The following OXR1 variants were observed in gnomAD, a reference collection of about 807,000 sequenced individuals.
OXR1 encodes oxidation resistance 1, also known as oxidation resistance protein 1.
A neutral mutation model predicts 104.6 loss-of-function variants in OXR1; 41 were observed. The ratio of observed to expected loss-of-function variants is 0.39; its 90% CI spans 0.31 to 0.51. The LOEUF (loss-of-function observed/expected upper bound fraction) is 0.51, where lower values mean the gene tolerates loss of function less well. OXR1 is among the 20% of genes least tolerant of loss of function. OXR1 has a pLI of 0.77. For synonymous variants in OXR1, 348 were observed against 348.4 expected, an observed-to-expected ratio of 1.00 and a Z score of 0.01; for missense variants, 955 against 1,031.9, an observed-to-expected ratio of 0.93 and a Z score of 1.02.
intron 3 of OXR1, among the ~76,000 whole-genome samples, chr8:106,576,496 A>G (rs1817851143): frequency 6.6e-6 from 1 of 150,934 alleles, no homozygotes; most frequent in Non-Finnish European, 1.5e-5. Flanking sequence ...GAAAACATCA[A>G]ATAGAGCCAC....
intron 2 of OXR1, among the ~76,000 whole-genome samples, chr8:106,403,021 C>T (rs914659067): frequency 6.6e-6 from 1 of 152,070 alleles, no homozygotes; most frequent in Non-Finnish European, 1.5e-5. Flanking sequence ...GGGGTTTCAC[C>T]GTGTTAGCCA....
At chr8:106,687,961 T>C (rs1022629840) in intron 6 of OXR1, among the ~76,000 whole-genome samples, 3 of 152,116 alleles carry the variant, frequency 2.0e-5, no homozygotes, top group Admixed American at 6.6e-5. Context: ...GCCCAATAAA[T>C]AATTGGACCC....
rs17336727 is a variant in OXR1, at chr8:106,357,546, A to G, written c.-138-1930A>G. 9.2e-5 allele frequency among the ~76,000 whole-genome samples: 14 copies of G among 151,912 alleles called. 1 individual carries two copies. The South Asian group carries it at 2.9e-3, about 32-fold the overall frequency. ...TTGCTTTATTCCTTGATAGCCACTC[A>G]TATGCGCTTGTATGCACACAACAAT... On this transcript the variant is annotated intron_variant, in intron 1 of 16. Transcript: ENST00000517566.
chr8:106,701,573 A>G (rs566628715), intron 7 of OXR1, among the ~76,000 whole-genome samples: 7 of 152,270 alleles, frequency 4.6e-5, no homozygotes, highest in Admixed American at 1.3e-4. Context: ...CTGGCTCTTC[A>G]TTTTTACAGT....
intron 2 of OXR1, among the ~76,000 whole-genome samples, chr8:106,489,457 A>G (rs150950539): frequency 6.7e-4 from 102 of 152,316 alleles, no homozygotes; most frequent in Non-Finnish European, 1.1e-3. Context: ...TTCCTTTAAT[A>G]ACTATGATAT....
chr8:106,527,231 G>C lies in OXR1; in HGVS notation c.220+8092G>C, dbSNP rs1813752749. On this transcript the variant is annotated intron_variant, in intron 3 of 16. Coordinates refer to ENST00000517566, the MANE Select transcript of OXR1 (RefSeq NM_001198533.2). ...AGTGCCTAGGACTTGCAAGTTCTCA[G>C]TAAATATTAGTGAGCTTGTTGTTGT... Among the ~76,000 whole-genome samples, 3 of 152,306 alleles carry C rather than the reference G, an allele frequency of 2.0e-5. No individual in the cohort carries two copies. The South Asian group carries it at 6.2e-4, about 32-fold the overall frequency.
intron 1 of OXR1, among the ~76,000 whole-genome samples, chr8:106,307,605 C>G (rs181661952): frequency 1.3e-5 from 2 of 151,910 alleles, no homozygotes; most frequent in East Asian, 3.9e-4. Context: ...GTATCTACCT[C>G]CAGAATGAAA....
intron 11 of OXR1, among the ~76,000 whole-genome samples, chr8:106,717,819 T>C (rs879548071): frequency 8.3e-5 from 8 of 96,222 alleles, no homozygotes; most frequent in Non-Finnish European, 1.5e-4. Flanking sequence ...TCAGTTGTAG[T>C]AAATATTTTC....
intron 2 of OXR1, among the ~76,000 whole-genome samples, chr8:106,369,634 C>A (rs897113906): frequency 2.6e-5 from 4 of 152,154 alleles, no homozygotes; most frequent in Non-Finnish European, 5.9e-5. Flanking sequence ...GTTTTCCCAG[C>A]ACAATTTACT....
chr8:106,589,644 G>A (rs1818925262), intron 3 of OXR1, among the ~76,000 whole-genome samples: 1 of 152,140 alleles, frequency 6.6e-6, no homozygotes, highest in Non-Finnish European at 1.5e-5. Context: ...TGTGATGAGA[G>A]GTGCTTGACA....
chr8:106,318,105 C>T (rs1020635674), intron 1 of OXR1, among the ~76,000 whole-genome samples: 37 of 152,058 alleles, frequency 2.4e-4, no homozygotes, highest in African/African-American at 7.5e-4. Flanking sequence ...TTATTATACA[C>T]GTAGGCATCT....
intron 1 of OXR1, among the ~76,000 whole-genome samples, chr8:106,339,259 G>A (rs1453455238): frequency 2.0e-5 from 3 of 151,616 alleles, no homozygotes; most frequent in Non-Finnish European, 4.4e-5. Context: ...ACTTTGGGAG[G>A]CTGAGGAGGG....
At chr8:106,526,435 C>A (rs768536309) in intron 3 of OXR1, among the ~76,000 whole-genome samples, 1 of 152,178 alleles carries the variant, frequency 6.6e-6, no homozygotes, top group Non-Finnish European at 1.5e-5. Context: ...ATCCAGATGT[C>A]CATTTCTACC....
At chr8:106,383,908 A>G (rs2130421937) in intron 2 of OXR1, among the ~76,000 whole-genome samples, 1 of 152,306 alleles carries the variant, frequency 6.6e-6, no homozygotes, top group East Asian at 1.9e-4. Flanking sequence ...TCAGGAAAAG[A>G]CCTAGGGATT....
chr8:106,674,021 GC>G (rs1028550512), intron 3 of OXR1, among the ~76,000 whole-genome samples: 1 of 152,234 alleles, frequency 6.6e-6, no homozygotes, highest in African/African-American at 2.4e-5. Flanking sequence ...TGGGGTCAGA[GC>G]CCCCACCTAG....
intron 3 of OXR1, among the ~76,000 whole-genome samples, chr8:106,636,106 C>G (rs1008260806): frequency 1.3e-5 from 2 of 152,122 alleles, no homozygotes; most frequent in African/African-American, 4.8e-5. Context: ...AATGGTTGAC[C>G]AATGGAATGC....
rs765507722 is a variant in OXR1 at position 106,401,315 on chromosome 8, G to A, written c.23+41679G>A. On this transcript the variant is annotated intron_variant, in intron 2 of 16. Transcript: ENST00000517566. The stretch of plus-strand genomic sequence containing the variant: ...CTTTCAGGTGGTACTGGCATATCAC[G>A]TTGAACCATTTGCAGACCATGCCTA... Among the ~76,000 whole-genome samples the A allele has an allele frequency of 3.9e-5, 6 of 152,170 alleles. No individual in the cohort carries two copies. The East Asian group carries it at 7.7e-4, about 20-fold the overall frequency.
intron 3 of OXR1, among the ~76,000 whole-genome samples, chr8:106,658,471 G>C (rs918420436): frequency 4.6e-5 from 7 of 152,208 alleles, no homozygotes; most frequent in Non-Finnish European, 8.8e-5. Flanking sequence ...ATTTCAAGGG[G>C]ACGATCCATT....
At chr8:106,690,053 C>T (rs1002678396) in intron 6 of OXR1, among the ~76,000 whole-genome samples, 2 of 150,748 alleles carry the variant, frequency 1.3e-5, no homozygotes, top group Admixed American at 6.6e-5. Flanking sequence ...TAATATCTAT[C>T]ATATACAATA....
Sources: gnomAD v4.1 joint callset for allele counts (sites outside exome capture counted in the v4.1 genomes callset) on GRCh38, gnomAD v4.1.1 for gene constraint, MANE v1.5 for transcripts, NCBI Gene and HGNC (gene_info 2026-07-23, HGNC 2026-07-21) for gene names.